The following KCTD13 variants were observed in gnomAD, a reference collection of about 807,000 sequenced individuals.
KCTD13 encodes the protein potassium channel tetramerization domain containing 13, also known as BTB/POZ domain-containing adapter for CUL3-mediated RhoA degradation protein 1.
A neutral mutation model predicts 32.3 loss-of-function variants in KCTD13; 15 were observed. That is an observed-to-expected ratio of 0.46 (90% CI 0.31 to 0.71). KCTD13 has a LOEUF of 0.71. Among genes scored for constraint, KCTD13 ranks in the 30% least tolerant of loss-of-function variants. The probability of loss-of-function intolerance (pLI) is 0.05; values close to 1 mark genes in which losing one functional copy is unlikely to be tolerated. For synonymous variants in KCTD13, 189 were observed against 200.1 expected (o/e 0.94, Z 0.47); for missense variants, 337 against 452.6 (o/e 0.74, Z 2.32).
chr16:29,921,094 T>G lies in KCTD13; in HGVS notation c.414+2096A>C, dbSNP rs2068902973. The G allele has an allele frequency of 2.6e-5, 4 of 152,128 alleles. No homozygotes were observed. In the South Asian group the frequency reaches 8.3e-4, roughly 31 times the overall value. The allele number at this position is 152,128 out of a possible 1,614,324, so 9.4% of individuals were successfully genotyped here. A position where few individuals can be genotyped will look rare whatever the true frequency, so the allele number is the denominator to read the frequency against. ...CTAGATGTACTTGGAGCAGCATGAA[T>G]AGATCTTGAAAAAAAGTGCTGAATT... is the stretch of plus-strand genomic sequence containing the variant. On this transcript the variant is annotated intron_variant, in intron 2 of 5. Coordinates refer to ENST00000568000, the MANE Select transcript of KCTD13 (RefSeq NM_178863.5).
At chr16:29,919,753 A>G (rs1363943681) in intron 2 of KCTD13, 2 of 152,160 alleles carry the variant, frequency 1.3e-5, no homozygotes, top group Non-Finnish European at 2.9e-5. Flanking sequence ...ACACACACAC[A>G]CACACATACT....
At chr16:29,911,676 TA>T in intron 4 of KCTD13, 138 bp downstream of exon 4, 1 of 817,274 alleles carries the variant, frequency 1.2e-6, no homozygotes, top group East Asian at 2.7e-5. Context: ...GCGTCAGGGG[TA>T]AGAGGCGAAG....
In KCTD13 at chr16:29,925,961, C is replaced by G. The variant is rs748493723; in HGVS notation, c.73G>C (p.Glu25Gln). ...SLEAPKPSGL[E>Q]PGPAAYGLKP... is the part of the protein sequence containing the mutation. ...AGACCGTAGGCGGCGGGGCCAGGCT[C>G]GAGACCCGAGGGCTTGGGGGCTTCC... The change falls in exon 1 of 6, where the codon GAG (glutamate) becomes CAG (glutamine). Residue 25 changes from glutamate (E) to glutamine (Q), a missense_variant. Glu to Gln is a conservative substitution (Grantham distance 29). Transcript: ENST00000568000. 1.7e-4 allele frequency: 282 copies of G among 1,613,104 alleles called. No homozygotes were observed. Among genetic ancestry groups the G allele is most frequent in the Non-Finnish European group, 2.2e-4 (261 of 1,179,686 alleles).
At chr16:29,922,729 A>AGG in intron 2 of KCTD13, 1 of 322,360 alleles carries the variant, frequency 3.1e-6, no homozygotes, top group East Asian at 4.8e-5. Context: ...AAAAAAAAAA[A>AGG]GAATTAGAAA....
chr16:29,913,751 G>A (rs2068758789), intron 2 of KCTD13: 1 of 152,170 alleles, frequency 6.6e-6, no homozygotes, highest in African/African-American at 2.4e-5. Flanking sequence ...CTCTCCACAG[G>A]GTTGCTTGAG....
intron 2 of KCTD13, among the ~76,000 whole-genome samples, chr16:29,916,895 G>C (rs1305593308): frequency 6.6e-6 from 1 of 152,136 alleles, no homozygotes; most frequent in Non-Finnish European, 1.5e-5. Context: ...CACCACTATG[G>C]CGGGGAGTCT....
At chr16:29,925,736 G>A in intron 1 of KCTD13, 54 bp downstream of exon 1, 1 of 1,564,766 alleles carries the variant, frequency 6.4e-7, no homozygotes, top group Non-Finnish European at 8.7e-7. Flanking sequence ...AGAGACTGCG[G>A]GGAACGGGAG....
At chr16:29,918,404 A>G (rs1567445259) in intron 2 of KCTD13, among the ~76,000 whole-genome samples, 1 of 152,240 alleles carries the variant, frequency 6.6e-6, no homozygotes, top group Admixed American at 6.5e-5. Flanking sequence ...CGTGAAATAC[A>G]TACATAATAT....
At chr16:29,925,698 AG>A (rs2068982688) in intron 1 of KCTD13, 91 bp downstream of exon 1, 1 of 1,278,936 alleles carries the variant, frequency 7.8e-7, no homozygotes, top group Non-Finnish European at 1.1e-6. Flanking sequence ...GCGGGCAGAG[AG>A]AAGGGGCATG....
At chr16:29,911,538 G>C (rs1160929089) in intron 4 of KCTD13, 2 of 588,226 alleles carry the variant, frequency 3.4e-6, no homozygotes, top group Admixed American at 3.1e-5. Context: ...TGACCTCAAG[G>C]GGGAGGACTC....
chr16:29,911,020 G>A lies in KCTD13; in HGVS notation c.711C>T (p.Cys237=), dbSNP rs770149533. Reference sequence around the variant, plus strand: ...CCGTAGCATAGACAATGGAGGTGCAGCACACCTCGGCGATTTTGCGGCCCT... The same window carrying A: ...CCGTAGCATAGACAATGGAGGTGCAACACACCTCGGCGATTTTGCGGCCCT... ...YGQGRKIAEV[C]CTSIVYATEK... The change falls in exon 5 of 6, where the codon TGC becomes TGT. Residue 237 remains cysteine, a synonymous_variant. Coordinates refer to ENST00000568000, the MANE Select transcript of KCTD13 (RefSeq NM_178863.5). 5.0e-6 allele frequency: 8 copies of A among 1,614,038 alleles called. No homozygotes were observed. In the East Asian group the frequency reaches 1.6e-4, roughly 31 times the overall value.
intron 1 of KCTD13, among the ~76,000 whole-genome samples, chr16:29,924,179 AAAAAGAAAAG>A (rs757793290): frequency 2.8e-4 from 42 of 149,808 alleles, no homozygotes; most frequent in East Asian, 1.9e-3. Flanking sequence ...CATCTCAAAA[AAAAAGAAAAG>A]AAAAGAAAAG....
intron 2 of KCTD13, 57 bp downstream of exon 2, chr16:29,923,133 T>C (rs2068940299): frequency 6.3e-7 from 1 of 1,589,414 alleles, no homozygotes. Context: ...TCTGCTCTAA[T>C]ACCTGCTTGG....
rs2068945928 is a variant in KCTD13, at chr16:29,923,377, G to A, written c.245-18C>T. 1.9e-6 allele frequency: 3 copies of A among 1,608,730 alleles called. No individual in the cohort carries two copies. Among genetic ancestry groups the A allele is most frequent in the Non-Finnish European group, 2.5e-6 (3 of 1,176,818 alleles). The stretch of plus-strand genomic sequence containing the variant: ...CACCCAACCTAGTGGGGTGGGGAGA[G>A]GCAGGGGGAAAGATGGCTTTGCTGC... On this transcript the variant is annotated intron_variant, in intron 1 of 5. Transcript: ENST00000568000.
chr16:29,910,571 C>G (rs1334690245), intron 5 of KCTD13, among the ~76,000 whole-genome samples: 1 of 152,064 alleles, frequency 6.6e-6, no homozygotes, highest in Non-Finnish European at 1.5e-5. Flanking sequence ...GTTGCCCAGG[C>G]TGGTCTCGAA....
chr16:29,907,221 T>C (rs1002015002), intron 5 of KCTD13, 113 bp from the exon 6 acceptor site: 4 of 722,598 alleles, frequency 5.5e-6, no homozygotes, highest in Non-Finnish European at 9.2e-6. Context: ...GTCAGGTCCT[T>C]GGGCCTGGCC....
rs1374996040 is a variant in KCTD13 at position 29,923,188 on chromosome 16, A to G, written c.414+2T>C. ...AGGCATGGGGACTCCGAAGGCCCTC[A>G]CCTGCAGCGCCAGCTGGCAGTCCTC... is the stretch of plus-strand genomic sequence containing the variant. On this transcript the variant is annotated splice_donor_variant, in intron 2 of 5. Coordinates refer to ENST00000568000, the MANE Select transcript of KCTD13 (RefSeq NM_178863.5). LOFTEE classifies it high-confidence loss of function. 1 of 1,614,104 alleles carries G rather than the reference A, an allele frequency of 6.2e-7. No individual in the cohort carries two copies.
chr16:29,923,303 G>T lies in KCTD13; in HGVS notation c.301C>A (p.Arg101=). ...TCCGGCAGTGGCACAGACCCATCCC[G>T]CAGGTAATTGAGGATTGTACCAAAG... ...RHFGTILNYL[R]DGSVPLPEST... Residue 101 remains arginine (R), a synonymous_variant, in exon 2 of 6, where the codon CGG becomes AGG. Coordinates refer to ENST00000568000, the MANE Select transcript of KCTD13 (RefSeq NM_178863.5). 1 of 1,614,096 alleles carries T rather than the reference G, an allele frequency of 6.2e-7. No homozygotes were observed. The highest frequency in any genetic ancestry group is 1.3e-5 in the African/African-American group (1 of 75,020).
chr16:29,912,632 G>T (rs979562587), intron 2 of KCTD13, among the ~76,000 whole-genome samples: 3 of 152,104 alleles, frequency 2.0e-5, no homozygotes, highest in Non-Finnish European at 2.9e-5. Context: ...TAGAGACGAG[G>T]TTTCTCCATG....
Sources: gnomAD v4.1 joint callset for allele counts (sites outside exome capture counted in the v4.1 genomes callset) on GRCh38, gnomAD v4.1.1 for gene constraint, MANE v1.5 for transcripts, NCBI Gene and HGNC (gene_info 2026-07-23, HGNC 2026-07-21) for gene names.